Variants in NRG1 observed in about 807,000 individuals in gnomAD.
NRG1 encodes pro-neuregulin-1, membrane-bound isoform.
Under a neutral mutation model 63.8 loss-of-function variants are expected in NRG1, and 18 were observed. The observed-to-expected ratio is 0.28, with a 90% confidence interval of 0.19 to 0.42. The LOEUF (loss-of-function observed/expected upper bound fraction) is 0.42. NRG1 is among the 10% of genes least tolerant of loss of function. The pLI is 1.00. For missense variants in NRG1, 762 were observed against 814.7 expected (o/e 0.94, Z 0.79); for synonymous variants, 302 against 301.3 (o/e 1.00, Z -0.02).
intron 1 of NRG1, among the ~76,000 whole-genome samples, chr8:32,067,160 C>T (rs1053228698): frequency 1.3e-5 from 2 of 152,132 alleles, no homozygotes; most frequent in African/African-American, 4.8e-5. Flanking sequence ...TTCCTCTTTT[C>T]CTAATTGAAT....
At chr8:31,671,110 A>G (rs904324527) in intron 1 of NRG1, among the ~76,000 whole-genome samples, 1 of 151,580 alleles carries the variant, frequency 6.6e-6, no homozygotes, top group African/African-American at 2.4e-5. Flanking sequence ...CTCCAGCTCC[A>G]TCTGTGTTGC....
intron 1 of NRG1, among the ~76,000 whole-genome samples, chr8:31,870,439 G>T (rs757871476): frequency 2.6e-5 from 4 of 152,050 alleles, no homozygotes; most frequent in African/African-American, 4.8e-5. Flanking sequence ...AGATAACTTA[G>T]AAGGAAAGAT....
chr8:32,313,453 G>C (rs576892816), intron 1 of NRG1, among the ~76,000 whole-genome samples: 24 of 152,064 alleles, frequency 1.6e-4, no homozygotes, highest in Non-Finnish European at 3.2e-4. Context: ...TGAAAATGCC[G>C]AAGTGTCTTA....
chr8:31,800,309 C>T (rs547322571), intron 1 of NRG1, among the ~76,000 whole-genome samples: 4 of 152,040 alleles, frequency 2.6e-5, no homozygotes, highest in Admixed American at 6.5e-5. Flanking sequence ...GATGTGAGAA[C>T]GAAGAAGCAA....
At chr8:32,535,142 T>C (rs1831830898) in intron 1 of NRG1, among the ~76,000 whole-genome samples, 1 of 152,170 alleles carries the variant, frequency 6.6e-6, no homozygotes, top group East Asian at 1.9e-4. Flanking sequence ...TACCCTGTTT[T>C]TGTGTCTCTT....
exon 12 of NRG1, chr8:32,764,764 A>C (rs1831289686): frequency 6.0e-6 from 1 of 167,232 alleles, no homozygotes; most frequent in Admixed American, 5.7e-5. Context: ...TATGATTTGC[A>C]AGACTTGCAA....
rs986413412 is a variant in NRG1 at position 32,249,709 on chromosome 8, G to A, written c.38-346119G>A. ...ACTTATTCATAGTTCCTTGGACCAG[G>A]AATGGAGCACAAAGGGCCCAAATAA... is the stretch of plus-strand genomic sequence containing the variant. On this transcript the variant is annotated intron_variant, in intron 1 of 10. Transcript: ENST00000519301. Among the ~76,000 whole-genome samples the A allele has an allele frequency of 7.2e-5, 11 of 152,014 alleles. 1 individual carries two copies. Among genetic ancestry groups the A allele is most frequent in the Admixed American group, 6.6e-4 (10 of 15,234 alleles).
intron 1 of NRG1, among the ~76,000 whole-genome samples, chr8:32,552,613 A>G (rs1432445220): frequency 6.6e-6 from 1 of 152,230 alleles, no homozygotes; most frequent in African/African-American, 2.4e-5. Context: ...TGTTTACAGA[A>G]CAAGAGGAAT....
chr8:31,758,852 A>G (rs1012895806), intron 1 of NRG1, among the ~76,000 whole-genome samples: 1 of 152,172 alleles, frequency 6.6e-6, no homozygotes, highest in Non-Finnish European at 1.5e-5. Flanking sequence ...TTAGTTTTCC[A>G]AATTGGTTAT....
chr8:32,186,911 C>G (rs920570309), intron 1 of NRG1, among the ~76,000 whole-genome samples: 5 of 152,146 alleles, frequency 3.3e-5, no homozygotes, highest in Non-Finnish European at 7.3e-5. Context: ...TGGTCTTTAC[C>G]ACACACAGGT....
At chr8:32,640,001 C>T (rs977554058) in intron 5 of NRG1, among the ~76,000 whole-genome samples, 4 of 152,228 alleles carry the variant, frequency 2.6e-5, no homozygotes, top group Non-Finnish European at 4.4e-5. Flanking sequence ...TTATATCTTG[C>T]ATTTTTGTTA....
chr8:32,274,013 T>A (rs574596762), intron 1 of NRG1, among the ~76,000 whole-genome samples: 1 of 152,166 alleles, frequency 6.6e-6, no homozygotes, highest in Non-Finnish European at 1.5e-5. Context: ...TCACAAACAT[T>A]CCTTATAATG....
chr8:31,960,953 C>T (rs2129625875), intron 1 of NRG1, among the ~76,000 whole-genome samples: 2 of 152,246 alleles, frequency 1.3e-5, no homozygotes, highest in East Asian at 3.9e-4. Flanking sequence ...TTAGCGATTT[C>T]AATTTAGTAG....
chr8:32,590,339 G>T (rs1038273914), intron 1 of NRG1, among the ~76,000 whole-genome samples: 1 of 152,156 alleles, frequency 6.6e-6, no homozygotes, highest in Non-Finnish European at 1.5e-5. Context: ...GTTTCAGGGT[G>T]TGGAACTACC....
At chr8:32,502,101 A>T (rs1827926736) in intron 1 of NRG1, among the ~76,000 whole-genome samples, 2 of 152,180 alleles carry the variant, frequency 1.3e-5, no homozygotes. Flanking sequence ...CAAAGAAAAG[A>T]GGTTGACTCA....
intron 1 of NRG1, among the ~76,000 whole-genome samples, chr8:32,529,431 C>T (rs1227721940): frequency 6.6e-6 from 1 of 152,080 alleles, no homozygotes; most frequent in Non-Finnish European, 1.5e-5. Context: ...TATGTATTAA[C>T]AATTTTTCTT....
At chr8:31,818,994 C>T (rs970013468) in intron 1 of NRG1, among the ~76,000 whole-genome samples, 11 of 152,144 alleles carry the variant, frequency 7.2e-5, no homozygotes, top group Non-Finnish European at 1.3e-4. Context: ...GCGGAGGTTG[C>T]AGTGAGCCGA....
intron 1 of NRG1, among the ~76,000 whole-genome samples, chr8:32,208,819 C>T (rs1380804097): frequency 6.6e-6 from 1 of 152,122 alleles, no homozygotes; most frequent in Non-Finnish European, 1.5e-5. Flanking sequence ...TTTTAATGTA[C>T]TATGACTACT....
chr8:32,408,325 T>C (rs1814389271), intron 1 of NRG1, among the ~76,000 whole-genome samples: 1 of 152,094 alleles, frequency 6.6e-6, no homozygotes. Context: ...GGCTCAGTGG[T>C]CAGGGAGGGT....
Sources: allele counts gnomAD v4.1 joint callset (sites outside exome capture counted in the v4.1 genomes callset), GRCh38; gene constraint gnomAD v4.1.1; transcripts MANE v1.5; gene names NCBI Gene and HGNC (gene_info 2026-07-23, HGNC 2026-07-21).